DRD4: variants seen among roughly 807,000 people sequenced by gnomAD.
DRD4 encodes the protein D(4) dopamine receptor.
Under a neutral mutation model 22.1 loss-of-function variants are expected in DRD4, and 26 were observed. The observed-to-expected ratio is 1.17, with a 90% CI of 0.86 to 1.63. The LOEUF is 1.63. Ranked by LOEUF, DRD4 falls within the 40% of genes most tolerant of loss-of-function variation. The probability of loss-of-function intolerance (pLI) is 0.00; values close to 1 mark genes in which losing one functional copy is unlikely to be tolerated. For missense variants in DRD4, 913 were observed against 632.4 expected (o/e 1.44, Z -4.76); for synonymous variants, 455 against 306.7 (o/e 1.48, Z -5.05).
rs1276810255 is a variant in DRD4 at position 637,604 on chromosome 11, G to C, written c.285+15G>C. On this transcript the variant is annotated intron_variant, in intron 1 of 3. Coordinates refer to ENST00000176183, the MANE Select transcript of DRD4 (RefSeq NM_000797.4). ...TCTACTCCGAGGTGAGCCGCGTCCG[G>C]CCGCACGAGCATCCTCACCTGCTCC... 1.9e-6 allele frequency: 3 copies of C among 1,541,944 alleles called. No homozygotes were observed. The highest frequency in any genetic ancestry group is 1.2e-5 in the South Asian group (1 of 84,180).
chr11:637,662 C>G, intron 1 of DRD4, 73 bp downstream of exon 1: 1 of 1,531,932 alleles, frequency 6.5e-7, no homozygotes, highest in Non-Finnish European at 8.7e-7. Context: ...ACGGAGGACC[C>G]GGCGCGACCC....
chr11:640,351 T>C, intron 3 of DRD4, 45 bp downstream of exon 3: 1 of 1,294,272 alleles, frequency 7.7e-7, no homozygotes, highest in South Asian at 1.3e-5. Context: ...AGGGGGGGGG[T>C]ACGAGGCCGG....
At position 639,765 on chromosome 11, in the gene DRD4, C is replaced by A. The variant is rs780409550; in HGVS notation, c.516C>A (p.Cys172Ter). 1.9e-6 allele frequency: 3 copies of A among 1,571,206 alleles called. No homozygotes were observed. The highest frequency in any genetic ancestry group is 2.6e-6 in the Non-Finnish European group (3 of 1,167,884). ...LSAAVAAPVL[C>*]GLNDVRGRDP... Reference sequence around the variant, plus strand: ...CGGCGGTGGCGGCGCCCGTACTGTGCGGCCTCAACGACGTGCGCGGCCGCG... The same window carrying A: ...CGGCGGTGGCGGCGCCCGTACTGTGAGGCCTCAACGACGTGCGCGGCCGCG... The change falls in exon 3 of 4, where the codon TGC becomes TGA. Residue 172 changes from cysteine to a stop codon, truncating the protein, a stop_gained. Transcript: ENST00000176183. LOFTEE classifies it high-confidence loss of function.
chr11:639,084 AAAAAACAAAAAGAAAAAC>A (rs1239564238), intron 1 of DRD4: 17 of 198,732 alleles, frequency 8.6e-5, no homozygotes, highest in Admixed American at 5.6e-4. Flanking sequence ...ACTCCGTCTC[AAAAAACAAAAAGAAAAAC>A]AAATCAGCCG....
chr11:639,901 G>T lies in DRD4; in HGVS notation c.652G>T (p.Gly218Cys), dbSNP rs756800106. The T allele has an allele frequency of 1.3e-5, 20 of 1,574,720 alleles. No homozygotes were observed. The Admixed American group carries it at 3.5e-4, about 27-fold the overall frequency. The change falls in exon 3 of 4, where the codon GGC (glycine) becomes TGC (cysteine). Residue 218 changes from glycine (G) to cysteine (C), a missense_variant. Coordinates refer to ENST00000176183, the MANE Select transcript of DRD4 (RefSeq NM_000797.4). ...GCTGCTCTACTGGGCCACGTTCCGC[G>T]GCCTGCAGCGCTGGGAGGTGGCACG... is the stretch of plus-strand genomic sequence containing the variant. ...MLLLYWATFR[G>C]LQRWEVARRA...
At chr11:638,282 G>T (rs1319764063) in intron 1 of DRD4, among the ~76,000 whole-genome samples, 6 of 152,202 alleles carry the variant, frequency 3.9e-5, no homozygotes, top group Non-Finnish European at 2.9e-5. Flanking sequence ...AGCTGGAGAC[G>T]CGGTGTCCCC....
intron 1 of DRD4, 36 bp from the exon 2 acceptor site, chr11:639,397 C>T (rs1255814473): frequency 1.3e-6 from 2 of 1,551,706 alleles, no homozygotes; most frequent in Admixed American, 1.8e-5. Flanking sequence ...CCCGCGGTGG[C>T]TGGGAAACCT....
Position 640,015 on chromosome 11 carries a change from GACCCC to G in DRD4, c.767_771del (p.Asp256ValfsTer192). On this transcript the variant is annotated frameshift_variant, in exon 3 of 4. Transcript: ENST00000176183. LOFTEE classifies it high-confidence loss of function. ...GCCACCCGCGCCCCGCCTCCCCCAG[GACCCC>G]TGCGGCCCCGACTGTGCGCCCCCCG... The G allele has an allele frequency of 1.6e-6, 2 of 1,247,362 alleles. No homozygotes were observed. Among genetic ancestry groups the G allele is most frequent in the Non-Finnish European group, 1.0e-6 (1 of 997,748 alleles). The allele number at this position is 1,247,362 out of a possible 1,614,324, so 77.3% of individuals were successfully genotyped here. A position where few individuals can be genotyped will look rare whatever the true frequency, so the allele number is the denominator to read the frequency against.
intron 1 of DRD4, chr11:638,962 G>C (rs1164169473): frequency 6.0e-6 from 1 of 165,824 alleles, no homozygotes; most frequent in Admixed American, 6.3e-5. Context: ...TGCGGCTGTT[G>C]TCCCAGCTAT....
chr11:639,595 C>T (rs767450393), intron 2 of DRD4, 50 bp downstream of exon 2: 18 of 1,298,430 alleles, frequency 1.4e-5, no homozygotes, highest in South Asian at 4.3e-5. Context: ...CCCCGCCCGC[C>T]GCCCTCACCG....
intron 1 of DRD4, 59 bp from the exon 2 acceptor site, chr11:639,371 GGGC>G (rs1319425613): frequency 3.5e-6 from 5 of 1,438,794 alleles, no homozygotes; most frequent in Admixed American, 2.0e-5. Context: ...ATAAGAGTGG[GGGC>G]GGGTCACAAG....
chr11:639,350 T>C, intron 1 of DRD4, 83 bp from the exon 2 acceptor site: 1 of 1,326,718 alleles, frequency 7.5e-7, no homozygotes, highest in Non-Finnish European at 1.0e-6. Context: ...TATTCAGCCC[T>C]GGAACTACCC....
At position 637,585 on chromosome 11, in the gene DRD4, C is replaced by T. The variant is rs905479804; in HGVS notation, c.281C>T (p.Ser94Phe). ...ALLVLPLFVY[S>F]EVQGGAWLLS... Reference sequence around the variant, plus strand: ...CTGGTGCTGCCGCTCTTCGTCTACTCCGAGGTGAGCCGCGTCCGGCCGCAC... The same window carrying T: ...CTGGTGCTGCCGCTCTTCGTCTACTTCGAGGTGAGCCGCGTCCGGCCGCAC... The change falls in exon 1 of 4, where the codon TCC (serine) becomes TTC (phenylalanine). Residue 94 changes from serine (S) to phenylalanine (F), a missense_variant. Coordinates refer to ENST00000176183, the MANE Select transcript of DRD4 (RefSeq NM_000797.4). 1.3e-6 allele frequency: 2 copies of T among 1,547,060 alleles called. No individual in the cohort carries two copies. The highest frequency in any genetic ancestry group is 8.7e-7 in the Non-Finnish European group (1 of 1,149,970).
At chr11:639,291 C>A in intron 1 of DRD4, 142 bp from the exon 2 acceptor site, 1 of 761,192 alleles carries the variant, frequency 1.3e-6, no homozygotes, top group Non-Finnish European at 2.2e-6. Flanking sequence ...AGGGGTGTTT[C>A]CCTGCCCGGT....
In DRD4 at chr11:640,484, C is replaced by T; in HGVS notation, c.1141C>T (p.Leu381=). ...TCCTGCCTGCTCCGTGCCCCCGCGG[C>T]TGGTCAGCGCCGTCACCTGGCTGGG... ...LCPACSVPPR[L]VSAVTWLGYV... is the part of the protein sequence containing the mutation. Residue 381 remains leucine, a synonymous_variant, in exon 4 of 4, where the codon CTG becomes TTG. Coordinates refer to ENST00000176183, the MANE Select transcript of DRD4 (RefSeq NM_000797.4). 1 of 1,602,218 alleles carries T rather than the reference C, an allele frequency of 6.2e-7. No homozygotes were observed. Among genetic ancestry groups the T allele is most frequent in the Non-Finnish European group, 8.5e-7 (1 of 1,179,810 alleles).
rs888502358 is a variant in DRD4, at chr11:640,258, A to C, written c.1009A>C (p.Ile337Leu). 359 of 1,532,904 alleles carry C rather than the reference A, an allele frequency of 2.3e-4. No individual in the cohort carries two copies. The highest frequency in any genetic ancestry group is 3.0e-4 in the Non-Finnish European group (349 of 1,146,562). The allele number at this position is 1,532,904 out of a possible 1,614,324, so 95.0% of individuals were successfully genotyped here. ...GACCCGCAGGAGGCGGCGTGCCAAG[A>C]TCACCGGCCGGGAGCGCAAGGCCAT... is the stretch of plus-strand genomic sequence containing the variant. ...PQTRRRRRAK[I>L]TGRERKAMRV... The change falls in exon 3 of 4, where the codon ATC (isoleucine) becomes CTC (leucine). Residue 337 changes from isoleucine to leucine, a missense_variant. Physicochemically the swap from Ile to Leu is conservative, Grantham distance 5 (BLOSUM62 2). Coordinates refer to ENST00000176183, the MANE Select transcript of DRD4 (RefSeq NM_000797.4).
In DRD4 at chr11:637,726, C is replaced by G. The variant is rs1341273488; in HGVS notation, c.285+137C>G. On this transcript the variant is annotated intron_variant, in intron 1 of 3. Coordinates refer to ENST00000176183, the MANE Select transcript of DRD4 (RefSeq NM_000797.4). The stretch of plus-strand genomic sequence containing the variant: ...TGGGGCGGCGGCAGGGGCGCTGCGC[C>G]TTGTCCCTCGGCGATACACCCACCG... The G allele has an allele frequency of 2.7e-6, 4 of 1,472,046 alleles. No homozygotes were observed. The East Asian group carries it at 9.9e-5, about 37-fold the overall frequency. The allele number at this position is 1,472,046 out of a possible 1,614,324, so 91.2% of individuals were successfully genotyped here.
rs1399098092 is a variant in DRD4 at position 640,188 on chromosome 11, C to G, written c.939C>G (p.Pro313=). Residue 313 remains proline, a synonymous_variant, in exon 3 of 4, where the codon CCC becomes CCG. Transcript: ENST00000176183. ...PDPCGSNCAP[P]DAVRAAALPP... ...CCTGCGGCTCCAACTGTGCTCCCCC[C>G]GACGCCGTCAGAGCCGCCGCGCTCC... 1 of 1,531,298 alleles carries G rather than the reference C, an allele frequency of 6.5e-7. No homozygotes were observed. The highest frequency in any genetic ancestry group is 8.7e-7 in the Non-Finnish European group (1 of 1,145,496). The allele number at this position is 1,531,298 out of a possible 1,614,324, so 94.9% of individuals were successfully genotyped here.
Position 637,588 on chromosome 11 carries a change from A to G in DRD4, c.284A>G (p.Glu95Gly), listed in dbSNP as rs759656166. Reference sequence around the variant, plus strand: ...GTGCTGCCGCTCTTCGTCTACTCCGAGGTGAGCCGCGTCCGGCCGCACGAG... The same window carrying G: ...GTGCTGCCGCTCTTCGTCTACTCCGGGGTGAGCCGCGTCCGGCCGCACGAG... ...LLVLPLFVYS[E>G]VQGGAWLLSP... The change falls in exon 1 of 4, where the codon GAG becomes GGG. Residue 95 changes from glutamate to glycine, a missense_variant and splice_region_variant. By Grantham distance (98) the Glu-to-Gly change is moderately conservative. Transcript: ENST00000176183. 3.2e-6 allele frequency: 5 copies of G among 1,546,738 alleles called. No homozygotes were observed. In the South Asian group the frequency reaches 5.9e-5, roughly 18 times the overall value.
Sources: gnomAD v4.1 joint callset for allele counts (sites outside exome capture counted in the v4.1 genomes callset) on GRCh38, gnomAD v4.1.1 for gene constraint, MANE v1.5 for transcripts, NCBI Gene and HGNC (gene_info 2026-07-23, HGNC 2026-07-21) for gene names.